Variants in CENPW observed in about 807,000 individuals in gnomAD.
CENPW encodes centromere protein W.
In CENPW, 3 loss-of-function variants were observed where a neutral mutation model predicts 11.1. The observed-to-expected ratio is 0.27, with a 90% CI of 0.12 to 0.70. The LOEUF (loss-of-function observed/expected upper bound fraction) is 0.70, where lower values mean the gene tolerates loss of function less well. CENPW is among the 30% of genes least tolerant of loss of function. The pLI, the probability that CENPW is intolerant of heterozygous loss-of-function variation, is 0.77. For synonymous variants in CENPW, 38 were observed against 42.0 expected (o/e 0.91, Z 0.37); for missense variants, 100 against 105.6 (o/e 0.95, Z 0.23).
chr6:126,441,175 G>T, the CENPW span, among the ~76,000 whole-genome samples: 1 of 151,418 alleles, frequency 6.6e-6, no homozygotes, highest in African/African-American at 2.4e-5. Flanking sequence ...TGATAGTGGA[G>T]GCAATTAGTT....
the CENPW span, among the ~76,000 whole-genome samples, chr6:126,419,174 CCTT>C: frequency 6.6e-6 from 1 of 152,066 alleles, no homozygotes; most frequent in Non-Finnish European, 1.5e-5. Context: ...TAGATCATGT[CCTT>C]CTTATGAGGG....
chr6:126,361,144 A>T, the CENPW span, among the ~76,000 whole-genome samples: 2 of 152,102 alleles, frequency 1.3e-5, no homozygotes, highest in African/African-American at 4.8e-5. Context: ...TTATTTGTGG[A>T]TGAATTCTTA....
At chr6:126,396,097 G>A in the CENPW span, among the ~76,000 whole-genome samples, 1 of 152,114 alleles carries the variant, frequency 6.6e-6, no homozygotes, top group African/African-American at 2.4e-5. Context: ...GGTGAAACTA[G>A]TTAGATTTGT....
chr6:126,349,791 C>T (rs1780470271), downstream of CENPW, among the ~76,000 whole-genome samples: 1 of 151,998 alleles, frequency 6.6e-6, no homozygotes, highest in Non-Finnish European at 1.5e-5. Flanking sequence ...TTTATATGGA[C>T]ATAAATTTTA....
chr6:126,435,399 T>C, the CENPW span, among the ~76,000 whole-genome samples: 1 of 151,910 alleles, frequency 6.6e-6, no homozygotes, highest in East Asian at 1.9e-4. Flanking sequence ...ATTAAAAGGT[T>C]ATTTAGTCTC....
At chr6:126,474,380 G>C in the CENPW span, among the ~76,000 whole-genome samples, 7 of 151,964 alleles carry the variant, frequency 4.6e-5, no homozygotes, top group Non-Finnish European at 7.4e-5. Flanking sequence ...GGGTTTAAAG[G>C]GTCAGAAATT....
At chr6:126,458,662 G>T in the CENPW span, among the ~76,000 whole-genome samples, 1 of 151,138 alleles carries the variant, frequency 6.6e-6, no homozygotes, top group Non-Finnish European at 1.5e-5. Flanking sequence ...GAATAAATTT[G>T]CTTATAATGA....
chr6:126,375,942 C>G, the CENPW span, among the ~76,000 whole-genome samples: 2 of 152,130 alleles, frequency 1.3e-5, no homozygotes, highest in African/African-American at 4.8e-5. Context: ...CCTTGTTGCT[C>G]TCTTTCCTAT....
the CENPW span, among the ~76,000 whole-genome samples, chr6:126,452,494 A>C: frequency 6.6e-6 from 1 of 151,188 alleles, no homozygotes; most frequent in African/African-American, 2.4e-5. Flanking sequence ...AACCAAACCA[A>C]ATTCTCACTG....
chr6:126,416,795 C>G, the CENPW span, among the ~76,000 whole-genome samples: 1 of 152,198 alleles, frequency 6.6e-6, no homozygotes, highest in East Asian at 1.9e-4. Flanking sequence ...TATGGAAATG[C>G]CTGGATGTCC....
chr6:126,451,898 C>T, the CENPW span, among the ~76,000 whole-genome samples: 68 of 151,004 alleles, frequency 4.5e-4, no homozygotes, highest in Non-Finnish European at 3.0e-5. Context: ...AAATTAATTC[C>T]TGAGCTCATC....
chr6:126,449,657 A>T, the CENPW span, among the ~76,000 whole-genome samples: 1 of 150,802 alleles, frequency 6.6e-6, no homozygotes, highest in East Asian at 2.0e-4. Context: ...TAGCTTCACA[A>T]AGAAAATAAC....
At chr6:126,390,532 A>G in the CENPW span, among the ~76,000 whole-genome samples, 5 of 151,770 alleles carry the variant, frequency 3.3e-5, no homozygotes, top group African/African-American at 1.2e-4. Flanking sequence ...TAGTTACCCA[A>G]TTGTGCTATG....
the CENPW span, among the ~76,000 whole-genome samples, chr6:126,403,619 G>A: frequency 1.3e-5 from 2 of 152,008 alleles, no homozygotes; most frequent in Non-Finnish European, 2.9e-5. Context: ...GATTCATGAG[G>A]TTTAAGGAAA....
chr6:126,375,199 A>G, the CENPW span, among the ~76,000 whole-genome samples: 2 of 152,346 alleles, frequency 1.3e-5, no homozygotes, highest in Admixed American at 6.5e-5. Flanking sequence ...ATGAAGAGAA[A>G]ATAAACCCAG....
chr6:126,443,656 T>C, the CENPW span, among the ~76,000 whole-genome samples: 1 of 151,254 alleles, frequency 6.6e-6, no homozygotes, highest in Non-Finnish European at 1.5e-5. Context: ...CCTGCACTTC[T>C]TAATAATTGT....
the CENPW span, among the ~76,000 whole-genome samples, chr6:126,479,424 C>G: frequency 6.6e-6 from 1 of 151,936 alleles, no homozygotes; most frequent in East Asian, 1.9e-4. Context: ...ATCATCTTCA[C>G]CTTCTTTCCA....
the CENPW span, among the ~76,000 whole-genome samples, chr6:126,362,487 G>A: frequency 1.3e-5 from 2 of 152,120 alleles, no homozygotes; most frequent in Non-Finnish European, 2.9e-5. Context: ...CAGCCTCAGT[G>A]TTACTTGTCT....
chr6:126,457,384 AAAAT>A, the CENPW span, among the ~76,000 whole-genome samples: 8 of 151,550 alleles, frequency 5.3e-5, no homozygotes, highest in African/African-American at 9.7e-5. Flanking sequence ...TGCAGCCTTA[AAAAT>A]GAACGAGATC....
Sources: gnomAD v4.1 joint callset for allele counts (sites outside exome capture counted in the v4.1 genomes callset) on GRCh38, gnomAD v4.1.1 for gene constraint, MANE v1.5 for transcripts, NCBI Gene and HGNC (gene_info 2026-07-23, HGNC 2026-07-21) for gene names.